The following MIAT variants were observed in gnomAD, a reference collection of about 807,000 sequenced individuals.
The protein encoded by MIAT is myocardial infarction associated transcript.
At chr22:26,673,588 A>C (rs566103595), downstream of MIAT, 2 of 398,746 alleles carry the variant, frequency 5.0e-6, no homozygotes, top group South Asian at 2.5e-4. Context: ...CAGGTCTAAC[A>C]TTCCTCGTTA....
At chr22:26,655,037 G>T (rs1930401769) in intron 2 of MIAT, among the ~76,000 whole-genome samples, 1 of 152,204 alleles carries the variant, frequency 6.6e-6, no homozygotes, top group African/African-American at 2.4e-5. Context: ...AAGGACTTTT[G>T]TGATTACATT....
chr22:26,675,803 T>C, exon 5 of MIAT: 1 of 398,596 alleles, frequency 2.5e-6, no homozygotes. Flanking sequence ...CAGATACAAG[T>C]GTGGAGTAAG....
chr22:26,675,788 A>G (rs1202708980), exon 5 of MIAT: 1 of 398,676 alleles, frequency 2.5e-6, no homozygotes, highest in Non-Finnish European at 4.4e-6. Context: ...CATGGCTGCA[A>G]GGGGCAGATA....
intron 4 of MIAT, chr22:26,666,980 A>C: frequency 2.5e-6 from 1 of 398,402 alleles, no homozygotes; most frequent in Non-Finnish European, 4.4e-6. Context: ...GGGAGGTCAC[A>C]TGGAGCTTGG....
At chr22:26,667,637 T>TG (rs34513185) in intron 5 of MIAT, 188,824 of 229,058 alleles carry the variant, frequency 0.82, 78,330 homozygotes, top group East Asian at 0.96. Context: ...CCCTGCCTGG[T>TG]GGGTATTCTC....
intron 2 of MIAT, among the ~76,000 whole-genome samples, chr22:26,663,030 GA>G (rs749638494): frequency 9.2e-5 from 14 of 152,220 alleles, no homozygotes; most frequent in Non-Finnish European, 1.6e-4. Flanking sequence ...TTGTGGATGA[GA>G]AGACTGAGGT....
At chr22:26,671,179 T>C (rs1931031349), downstream of MIAT, 1 of 398,370 alleles carries the variant, frequency 2.5e-6, no homozygotes, top group Admixed American at 4.4e-5. Flanking sequence ...ACAAGTAGGG[T>C]CCATTTTCAG....
intron 2 of MIAT, among the ~76,000 whole-genome samples, chr22:26,661,891 C>T (rs1467763629): frequency 7.5e-6 from 1 of 133,078 alleles, no homozygotes; most frequent in Non-Finnish European, 1.6e-5. Context: ...TCATTTAATC[C>T]ATATATATAT....
chr22:26,670,877 T>C (rs562449413), downstream of MIAT: 12 of 398,290 alleles, frequency 3.0e-5, no homozygotes, highest in Non-Finnish European at 4.4e-5. Context: ...CTTAGGTGCT[T>C]TGTAGCATTG....
chr22:26,672,247 G>T, downstream of MIAT: 1 of 399,134 alleles, frequency 2.5e-6, no homozygotes, highest in South Asian at 1.3e-4. Context: ...CGAGCTCTGG[G>T]CTCCCCCCGG....
At chr22:26,669,493 TAA>T (rs945433416) in exon 6 of MIAT, 5 of 398,526 alleles carry the variant, frequency 1.3e-5, no homozygotes, top group African/African-American at 4.1e-5. Context: ...CCTCTTCTTA[TAA>T]AGACACTAAT....
At chr22:26,661,932 A>ATGGATC (rs1346665940) in intron 2 of MIAT, among the ~76,000 whole-genome samples, 9 of 19,196 alleles carry the variant, frequency 4.7e-4, no homozygotes, top group Non-Finnish European at 7.6e-4. Context: ...ATATATATAT[A>ATGGATC]TATATATATA....
At chr22:26,675,937 A>G in exon 5 of MIAT, 1 of 398,632 alleles carries the variant, frequency 2.5e-6, no homozygotes, top group Non-Finnish European at 4.4e-6. Context: ...TGGTTGTGAG[A>G]TTCTAAGAGT....
intron 5 of MIAT, chr22:26,667,353 T>TGTGTGC (rs1491414770): frequency 4.8e-5 from 19 of 395,784 alleles, no homozygotes; most frequent in South Asian, 1.3e-4. Flanking sequence ...TGTGTGTGTG[T>TGTGTGC]GCGTGTGCAC....
At chr22:26,668,394 G>A in exon 6 of MIAT, 1 of 398,838 alleles carries the variant, frequency 2.5e-6, no homozygotes, top group Middle Eastern at 6.3e-4. Context: ...CTGGAGGACA[G>A]CTCCAGGGGT....
downstream of MIAT, chr22:26,670,754 T>C: frequency 2.5e-6 from 1 of 398,634 alleles, no homozygotes; most frequent in Non-Finnish European, 4.4e-6. Flanking sequence ...TTGACTTTTA[T>C]GGCCGTAGAA....
At chr22:26,648,724 T>C (rs1341452528) in intron 2 of MIAT, among the ~76,000 whole-genome samples, 1 of 152,246 alleles carries the variant, frequency 6.6e-6, no homozygotes, top group Non-Finnish European at 1.5e-5. Flanking sequence ...CAACAGCATC[T>C]GCTCACGCAG....
chr22:26,661,327 T>C (rs538960863), intron 2 of MIAT, among the ~76,000 whole-genome samples: 1 of 152,250 alleles, frequency 6.6e-6, no homozygotes, highest in Admixed American at 6.5e-5. Context: ...GTGACATCTG[T>C]CTCCCTATCC....
chr22:26,674,384 G>A (rs1380688760), downstream of MIAT: 2 of 398,968 alleles, frequency 5.0e-6, no homozygotes, highest in Non-Finnish European at 8.8e-6. Context: ...ACTAGTTCAA[G>A]GTTTTGCTGA....
Sources: allele counts gnomAD v4.1 joint callset (sites outside exome capture counted in the v4.1 genomes callset), GRCh38; gene constraint gnomAD v4.1.1; transcripts MANE v1.5; gene names NCBI Gene and HGNC (gene_info 2026-07-23, HGNC 2026-07-21).